The following SPG11 variants were observed in gnomAD, a reference collection of about 807,000 sequenced individuals.
SPG11 encodes spatacsin.
Under a neutral mutation model 274.0 loss-of-function variants are expected in SPG11, and 222 were observed. That is an observed-to-expected ratio of 0.81 (90% confidence interval 0.73 to 0.91). The LOEUF (loss-of-function observed/expected upper bound fraction) is 0.91, where lower values mean the gene tolerates loss of function less well. Ranked by LOEUF, SPG11 falls within the 40% of genes least tolerant of loss-of-function variation. SPG11 has a pLI of 0.00. For missense variants in SPG11, 3,114 were observed against 2,872.7 expected (o/e 1.08, Z -1.92); for synonymous variants, 1,144 against 1,039.7 (o/e 1.10, Z -1.93).
intron 21 of SPG11, among the ~76,000 whole-genome samples, chr15:44,600,089 G>GT (rs1205556013): frequency 6.6e-6 from 1 of 152,024 alleles, no homozygotes; most frequent in Non-Finnish European, 1.5e-5. Context: ...ACATATTTAT[G>GT]TTTTTTCCAA....
chr15:44,604,648 G>A (rs1219723933), intron 20 of SPG11, among the ~76,000 whole-genome samples: 2 of 152,064 alleles, frequency 1.3e-5, no homozygotes, highest in African/African-American at 2.4e-5. Flanking sequence ...ATATGTATTG[G>A]TTGGGTGCGG....
chr15:44,584,079 C>A lies in SPG11; in HGVS notation c.5601G>T (p.Glu1867Asp). ...LNSLPSKETC[E>D]NRLDWKEQES... is the part of the protein sequence containing the mutation. ...CCTGCTCTTTCCAATCCAATCTATTCTCGCATGTCTCTTTGGATGGAAGGC... is the reference window on the plus strand; with the variant it reads ...CCTGCTCTTTCCAATCCAATCTATTATCGCATGTCTCTTTGGATGGAAGGC... The change falls in exon 30 of 40, where the codon GAG (glutamate) becomes GAT (aspartate). Residue 1867 changes from glutamate to aspartate, a missense_variant. By Grantham distance (45) the Glu-to-Asp change is conservative. Coordinates refer to ENST00000261866, the MANE Select transcript of SPG11 (RefSeq NM_025137.4). 6.2e-7 allele frequency: 1 copy of A among 1,614,282 alleles called. No homozygotes were observed. Among genetic ancestry groups the A allele is most frequent in the Non-Finnish European group, 8.5e-7 (1 of 1,180,052 alleles).
chr15:44,629,995 C>T (rs1018162842), intron 8 of SPG11, among the ~76,000 whole-genome samples: 20 of 151,864 alleles, frequency 1.3e-4, no homozygotes, highest in African/African-American at 3.6e-4. Context: ...TGCTTGAACC[C>T]GGGAGGCGGA....
At chr15:44,581,993 T>A (rs866631885) in intron 30 of SPG11, among the ~76,000 whole-genome samples, 1 of 152,180 alleles carries the variant, frequency 6.6e-6, no homozygotes, top group Non-Finnish European at 1.5e-5. Flanking sequence ...AAAGTTTCCC[T>A]TGAAAATCAC....
intron 4 of SPG11, 25 bp from the exon 5 acceptor site, chr15:44,652,291 A>G (rs749571844): frequency 1.9e-6 from 3 of 1,613,244 alleles, no homozygotes; most frequent in Admixed American, 3.3e-5. Context: ...AATGATAGAC[A>G]TATGAAAAAA....
At position 44,610,869 on chromosome 15, in the gene SPG11, T is replaced by C. The variant is rs1221018693; in HGVS notation, c.3262A>G (p.Thr1088Ala). ...CTGACACCCCCAGGAGAATACATTG[T>C]AGTAGCAAGGGCCAGGAGGGTATGT... ...EGHTLLALAT[T>A]MYSPGGVSQV... The change falls in exon 18 of 40, where the codon ACA becomes GCA. Residue 1088 changes from threonine to alanine, a missense_variant. Coordinates refer to ENST00000261866, the MANE Select transcript of SPG11 (RefSeq NM_025137.4). 1.2e-6 allele frequency: 2 copies of C among 1,613,922 alleles called. No individual in the cohort carries two copies. The highest frequency in any genetic ancestry group is 1.7e-5 in the Admixed American group (1 of 59,996).
At position 44,613,424 on chromosome 15, in the gene SPG11, C is replaced by T. The variant is rs751757649; in HGVS notation, c.3145+6G>A. On this transcript the variant is annotated splice_donor_region_variant and intron_variant, in intron 17 of 39. Coordinates refer to ENST00000261866, the MANE Select transcript of SPG11 (RefSeq NM_025137.4). The stretch of plus-strand genomic sequence containing the variant: ...AGTTTCTGTGTTTAATACAGTATAC[C>T]CATACCTGTTAAGTTACTGGCAACT... 1 of 1,582,802 alleles carries T rather than the reference C, an allele frequency of 6.3e-7. No homozygotes were observed. Among genetic ancestry groups the T allele is most frequent in the South Asian group, 1.1e-5 (1 of 90,378 alleles).
Position 44,619,859 on chromosome 15 carries a change from A to AGTAC in SPG11, c.2834+327_2834+330dup, listed in dbSNP as rs972135826. Among the ~76,000 whole-genome samples the AGTAC allele has an allele frequency of 9.7e-4, 146 of 151,166 alleles. 1 individual carries two copies. The highest frequency in any genetic ancestry group is 3.5e-3 in the African/African-American group (144 of 41,152). On this transcript the variant is annotated intron_variant, in intron 15 of 39. Coordinates refer to ENST00000261866, the MANE Select transcript of SPG11 (RefSeq NM_025137.4). ...TGCCTCAGCCTCCCAAGTAGTTGGGAGTACCCGGCATTATGCCTGGCTAAT... is the reference window on the plus strand; with the variant it reads ...TGCCTCAGCCTCCCAAGTAGTTGGGAGTACGTACCCGGCATTATGCCTGGCTAAT...
intron 23 of SPG11, 52 bp downstream of exon 23, chr15:44,598,213 G>T: frequency 7.3e-7 from 1 of 1,372,738 alleles, no homozygotes; most frequent in Non-Finnish European, 1.0e-6. Context: ...GGCAAACACA[G>T]GTTGGCACAA....
intron 3 of SPG11, 41 bp from the exon 4 acceptor site, chr15:44,657,337 A>T (rs1303017704): frequency 6.4e-7 from 1 of 1,573,298 alleles, no homozygotes; most frequent in East Asian, 2.2e-5. Flanking sequence ...TTTTGTAAGT[A>T]TGCCTAACTA....
In SPG11 at chr15:44,577,800, G is replaced by A. The variant is rs552307387; in HGVS notation, c.5867-2759C>T. 5.3e-5 allele frequency among the ~76,000 whole-genome samples: 8 copies of A among 152,156 alleles called. No individual in the cohort carries two copies. The East Asian group carries it at 1.5e-3, about 29-fold the overall frequency. On this transcript the variant is annotated intron_variant, in intron 30 of 39. Transcript: ENST00000261866. ...TAGCAAGCTCTGGCCTGAATGCAGC[G>A]CTGACTAAAACCTAAGAACTAAGGG... is the stretch of plus-strand genomic sequence containing the variant.
intron 15 of SPG11, among the ~76,000 whole-genome samples, chr15:44,617,633 T>C (rs2083622627): frequency 6.6e-6 from 1 of 152,156 alleles, no homozygotes; most frequent in Admixed American, 6.6e-5. Flanking sequence ...TGATATCTGG[T>C]AGGGCAAGTT....
chr15:44,589,954 A>G (rs148870500), intron 27 of SPG11, among the ~76,000 whole-genome samples: 8,156 of 152,196 alleles, frequency 0.054, 551 homozygotes, highest in African/African-American at 0.15. Context: ...TTACAGGCAC[A>G]CGCCACCACG....
At chr15:44,623,305 T>G (rs747024013) in intron 11 of SPG11, among the ~76,000 whole-genome samples, 4 of 152,132 alleles carry the variant, frequency 2.6e-5, no homozygotes, top group Non-Finnish European at 4.4e-5. Flanking sequence ...AAGCATTTTG[T>G]CAGAGCAAAG....
At chr15:44,626,299 C>T (rs751337396) in intron 11 of SPG11, 32 bp downstream of exon 11, 5 of 1,551,818 alleles carry the variant, frequency 3.2e-6, no homozygotes, top group Middle Eastern at 2.3e-4. Context: ...ATATTAAATA[C>T]ATTTTAAGAC....
intron 33 of SPG11, among the ~76,000 whole-genome samples, chr15:44,571,940 C>T (rs988918126): frequency 1.3e-5 from 2 of 152,186 alleles, no homozygotes; most frequent in Non-Finnish European, 2.9e-5. Context: ...TACAGGTGTG[C>T]ACCACCATGC....
intron 38 of SPG11, among the ~76,000 whole-genome samples, chr15:44,565,227 G>A (rs1398563604): frequency 6.6e-6 from 1 of 152,188 alleles, no homozygotes; most frequent in African/African-American, 2.4e-5. Context: ...GGGCTAGGAG[G>A]TTCTTGCAGG....
chr15:44,602,409 T>A lies in SPG11; in HGVS notation c.3521-1777A>T, dbSNP rs373429306. Among the ~76,000 whole-genome samples, 11 of 152,264 alleles carry A rather than the reference T, an allele frequency of 7.2e-5. No individual in the cohort carries two copies. The East Asian group carries it at 1.5e-3, about 21-fold the overall frequency. On this transcript the variant is annotated intron_variant, in intron 20 of 39. Transcript: ENST00000261866. ...CTTCTATGCCTAATTTGTTGAGAGT[T>A]TTTATTATGAAAGGATGTTGAATTT...
intron 8 of SPG11, 142 bp from the exon 9 acceptor site, chr15:44,629,530 T>G (rs2083997713): frequency 1.1e-6 from 1 of 869,882 alleles, no homozygotes; most frequent in Middle Eastern, 3.4e-4. Flanking sequence ...ACAAAACTTT[T>G]CTGCAGGCTT....
Sources: gnomAD v4.1 joint callset for allele counts (sites outside exome capture counted in the v4.1 genomes callset) on GRCh38, gnomAD v4.1.1 for gene constraint, MANE v1.5 for transcripts, NCBI Gene and HGNC (gene_info 2026-07-23, HGNC 2026-07-21) for gene names.